MCTP2: variants seen among roughly 807,000 people sequenced by gnomAD.
The protein encoded by MCTP2 is multiple C2 and transmembrane domain containing 2.
In MCTP2, 132 loss-of-function variants were observed where a neutral mutation model predicts 111.6. The observed-to-expected ratio is 1.18, with a 90% confidence interval of 1.03 to 1.37. MCTP2 has a LOEUF of 1.37. MCTP2 is among the 40% of genes most tolerant of loss of function. MCTP2 has a pLI of 0.00. For missense variants in MCTP2, 1,183 were observed against 1,067.9 expected, an observed-to-expected ratio of 1.11 and a Z score of -1.50; for synonymous variants, 395 against 387.7, an observed-to-expected ratio of 1.02 and a Z score of -0.22.
Position 94,279,779 on chromosome 15 carries a change from C to T in MCTP2, c.-65-18422C>T, listed in dbSNP as rs531072086. Among the ~76,000 whole-genome samples, 6 of 151,972 alleles carry T rather than the reference C, an allele frequency of 3.9e-5. No individual in the cohort carries two copies. In the East Asian group the frequency reaches 1.2e-3, roughly 29 times the overall value. Reference sequence around the variant, plus strand: ...TGCTCTCTTTTTATTTATTATGTTCCTTTGATGCCTAGTTTGTTGAGGGTT... The same window carrying T: ...TGCTCTCTTTTTATTTATTATGTTCTTTTGATGCCTAGTTTGTTGAGGGTT... On this transcript the variant is annotated intron_variant, in intron 1 of 22. Coordinates refer to ENST00000357742, the MANE Select transcript of MCTP2 (RefSeq NM_001385001.1).
chr15:94,311,215 G>T (rs550306028), intron 2 of MCTP2, among the ~76,000 whole-genome samples: 1 of 151,696 alleles, frequency 6.6e-6, no homozygotes, highest in African/African-American at 2.4e-5. Flanking sequence ...ATTAGAGATG[G>T]GGGGGTTTGC....
intron 17 of MCTP2, among the ~76,000 whole-genome samples, chr15:94,423,895 AATG>A (rs2082744996): frequency 6.6e-6 from 1 of 152,216 alleles, no homozygotes; most frequent in Admixed American, 6.5e-5. Flanking sequence ...CAGTTTAAAG[AATG>A]ATGATAAGGT....
intron 1 of MCTP2, among the ~76,000 whole-genome samples, chr15:94,259,295 A>G (rs755642826): frequency 2.4e-4 from 37 of 152,346 alleles, no homozygotes; most frequent in Non-Finnish European, 4.3e-4. Context: ...TAAAGAGAAC[A>G]TGCTACAGTG....
chr15:94,276,098 C>G (rs575141103), intron 1 of MCTP2, among the ~76,000 whole-genome samples: 3 of 152,058 alleles, frequency 2.0e-5, no homozygotes, highest in Non-Finnish European at 4.4e-5. Context: ...CCCGCCTTGG[C>G]CTCCCAAAGT....
chr15:94,282,646 G>A (rs2074546410), intron 1 of MCTP2, among the ~76,000 whole-genome samples: 2 of 152,324 alleles, frequency 1.3e-5, no homozygotes, highest in South Asian at 2.1e-4. Context: ...TCTTGCACTA[G>A]TTCTTTCTCA....
chr15:94,417,189 T>C (rs1455793808), intron 17 of MCTP2, among the ~76,000 whole-genome samples: 1 of 152,178 alleles, frequency 6.6e-6, no homozygotes, highest in Non-Finnish European at 1.5e-5. Flanking sequence ...CCTGAACATC[T>C]GCCTCCTGGT....
At position 94,245,730 on chromosome 15, in the gene MCTP2, A is replaced by C. The variant is rs540417152; in HGVS notation, c.-66+14066A>C. On this transcript the variant is annotated intron_variant, in intron 1 of 22. Coordinates refer to ENST00000357742, the MANE Select transcript of MCTP2 (RefSeq NM_001385001.1). ...TGTGTGTGTGTGTATATATATATAT[A>C]TATATCTATATAGACAAAAGAGTAC... 3.2e-3 allele frequency among the ~76,000 whole-genome samples: 472 copies of C among 148,664 alleles called. 5 individuals carry two copies. Among genetic ancestry groups the C allele is most frequent in the African/African-American group, 0.011 (438 of 40,624 alleles).
At chr15:94,287,314 GTTTTA>G (rs1436255113) in intron 1 of MCTP2, among the ~76,000 whole-genome samples, 3 of 150,444 alleles carry the variant, frequency 2.0e-5, no homozygotes, top group Non-Finnish European at 4.4e-5. Flanking sequence ...TTATTTTGTT[GTTTTA>G]TTCTGTATTT....
At chr15:94,469,890 A>G (rs1232197744) in intron 20 of MCTP2, among the ~76,000 whole-genome samples, 1 of 152,016 alleles carries the variant, frequency 6.6e-6, no homozygotes, top group Non-Finnish European at 1.5e-5. Flanking sequence ...AAAAAGAAAA[A>G]AAAAAAGTTC....
chr15:94,418,472 A>G (rs1322499289), intron 17 of MCTP2, among the ~76,000 whole-genome samples: 3 of 152,154 alleles, frequency 2.0e-5, no homozygotes, highest in African/African-American at 4.8e-5. Context: ...CAACTGCTCA[A>G]TTACCACCTT....
intron 4 of MCTP2, among the ~76,000 whole-genome samples, chr15:94,335,636 A>G (rs1284306592): frequency 1.3e-5 from 2 of 152,262 alleles, no homozygotes; most frequent in Admixed American, 6.5e-5. Context: ...AGATAATTAT[A>G]GAAGGATGCC....
intron 12 of MCTP2, among the ~76,000 whole-genome samples, chr15:94,373,250 T>C (rs927052776): frequency 3.3e-5 from 5 of 152,332 alleles, no homozygotes; most frequent in Middle Eastern, 3.4e-3. Context: ...GTTATGATTA[T>C]GTAGTCATAA....
chr15:94,353,695 G>A (rs1448155930), intron 8 of MCTP2, among the ~76,000 whole-genome samples: 1 of 152,164 alleles, frequency 6.6e-6, no homozygotes, highest in Non-Finnish European at 1.5e-5. Context: ...CGTGGGACAG[G>A]TCATGCTTTA....
At chr15:94,396,930 A>G (rs535646584) in intron 14 of MCTP2, among the ~76,000 whole-genome samples, 15 of 152,334 alleles carry the variant, frequency 9.8e-5, no homozygotes, top group African/African-American at 3.6e-4. Context: ...ACAATTTGTC[A>G]CTTAGGCAAA....
intron 2 of MCTP2, among the ~76,000 whole-genome samples, chr15:94,307,419 A>C (rs955445960): frequency 1.3e-5 from 2 of 152,192 alleles, no homozygotes; most frequent in Admixed American, 1.3e-4. Flanking sequence ...AACAGCAAGC[A>C]TAAAGGCCCC....
At chr15:94,303,033 G>A (rs1465388839) in intron 2 of MCTP2, among the ~76,000 whole-genome samples, 1 of 47,482 alleles carries the variant, frequency 2.1e-5, no homozygotes, top group Non-Finnish European at 5.7e-5. Flanking sequence ...CCCTGTATTA[G>A]GGTTCTCTAG....
At chr15:94,389,541 A>G (rs1463050420) in intron 14 of MCTP2, among the ~76,000 whole-genome samples, 1 of 152,152 alleles carries the variant, frequency 6.6e-6, no homozygotes, top group African/African-American at 2.4e-5. Flanking sequence ...TTAAGCATCA[A>G]AGGACACCCT....
intron 4 of MCTP2, among the ~76,000 whole-genome samples, chr15:94,320,296 C>T (rs962268110): frequency 7.2e-5 from 11 of 152,076 alleles, no homozygotes; most frequent in African/African-American, 2.7e-4. Context: ...GCACCCGCCA[C>T]CACGCCCAGC....
chr15:94,308,164 T>C (rs16948898), intron 2 of MCTP2, among the ~76,000 whole-genome samples: 39,541 of 152,010 alleles, frequency 0.26, 7,459 homozygotes, highest in African/African-American at 0.52. Flanking sequence ...ATTTAATTAT[T>C]CTAACAACCT....
Sources: allele counts gnomAD v4.1 joint callset (sites outside exome capture counted in the v4.1 genomes callset), GRCh38; gene constraint gnomAD v4.1.1; transcripts MANE v1.5; gene names NCBI Gene and HGNC (gene_info 2026-07-23, HGNC 2026-07-21).